The following APP variants were observed in gnomAD, a reference collection of about 807,000 sequenced individuals.
APP encodes the protein amyloid-beta precursor protein.
Under a neutral mutation model 101.4 loss-of-function variants are expected in APP, and 31 were observed. That is an observed-to-expected ratio of 0.31 (90% CI 0.23 to 0.41). The LOEUF (loss-of-function observed/expected upper bound fraction) is 0.41, where lower values mean the gene tolerates loss of function less well. APP is among the 10% of genes least tolerant of loss of function. APP has a pLI of 1.00. For missense variants in APP, 839 were observed against 1,003.7 expected, an observed-to-expected ratio of 0.84 and a Z score of 2.22; for synonymous variants, 366 against 364.4, an observed-to-expected ratio of 1.00 and a Z score of -0.05.
intron 8 of APP, 177 bp downstream of exon 8, chr21:25,997,183 C>T: frequency 1.5e-6 from 1 of 648,840 alleles, no homozygotes; most frequent in East Asian, 2.7e-5. Context: ...CCCAACATCT[C>T]AAGCTGTCTG....
rs558891444 is a variant in APP, at chr21:26,001,140, A to G, written c.866-958T>C. Among the ~76,000 whole-genome samples the G allele has an allele frequency of 2.0e-5, 3 of 152,290 alleles. No individual in the cohort carries two copies. In the East Asian group the frequency reaches 5.8e-4, roughly 29 times the overall value. Reference sequence around the variant, plus strand: ...AATAAAACGCAGTCAATCAACTCCAACTGATTAATACACACCACGCACTGT... The same window carrying G: ...AATAAAACGCAGTCAATCAACTCCAGCTGATTAATACACACCACGCACTGT... On this transcript the variant is annotated intron_variant, in intron 6 of 17. Coordinates refer to ENST00000346798, the MANE Select transcript of APP (RefSeq NM_000484.4).
chr21:26,061,991 C>T (rs2046281981), intron 3 of APP, among the ~76,000 whole-genome samples: 1 of 151,696 alleles, frequency 6.6e-6, no homozygotes, highest in Non-Finnish European at 1.5e-5. Context: ...CGAGGTGGAT[C>T]ACAAGGTCAG....
intron 5 of APP, among the ~76,000 whole-genome samples, chr21:26,028,069 G>A (rs2044660575): frequency 6.6e-6 from 1 of 151,530 alleles, no homozygotes; most frequent in Non-Finnish European, 1.5e-5. Flanking sequence ...GGGGGTGCAC[G>A]CCTGTAATCC....
intron 2 of APP, among the ~76,000 whole-genome samples, chr21:26,102,771 T>C (rs1214290662): frequency 6.6e-6 from 1 of 151,348 alleles, no homozygotes; most frequent in Non-Finnish European, 1.5e-5. Flanking sequence ...GCACCTGTAA[T>C]CTCAGCTACT....
chr21:26,092,302 G>A (rs1210557810), intron 2 of APP, among the ~76,000 whole-genome samples: 1 of 152,034 alleles, frequency 6.6e-6, no homozygotes, highest in Non-Finnish European at 1.5e-5. Context: ...AACACTGTGG[G>A]GTACACACCT....
intron 16 of APP, among the ~76,000 whole-genome samples, chr21:25,894,472 G>A (rs2037900574): frequency 6.6e-6 from 1 of 152,162 alleles, no homozygotes; most frequent in South Asian, 2.1e-4. Flanking sequence ...CAAAACATCA[G>A]CAATAACGGG....
chr21:25,904,046 GTGTATTAATATCTTCAAAGAA>G (rs1274164245), intron 15 of APP, among the ~76,000 whole-genome samples: 19 of 152,200 alleles, frequency 1.2e-4, no homozygotes, highest in African/African-American at 4.1e-4. Context: ...GTTGACCTCT[GTGTATTAATATCTTCAAAGAA>G]AGTTAATTCC....
At chr21:26,098,958 C>T (rs939487301) in intron 2 of APP, among the ~76,000 whole-genome samples, 10 of 152,260 alleles carry the variant, frequency 6.6e-5, no homozygotes, top group African/African-American at 2.4e-4. Context: ...GGGAAAAAAC[C>T]TGCATTCCAG....
At chr21:25,914,031 G>A (rs771481580) in intron 13 of APP, among the ~76,000 whole-genome samples, 1 of 152,020 alleles carries the variant, frequency 6.6e-6, no homozygotes, top group African/African-American at 2.4e-5. Flanking sequence ...CATGCACTTG[G>A]TAGGTACACA....
intron 3 of APP, among the ~76,000 whole-genome samples, chr21:26,082,278 GAT>G (rs2061614214): frequency 6.6e-6 from 1 of 152,120 alleles, no homozygotes; most frequent in African/African-American, 2.4e-5. Flanking sequence ...GGCTTTCTTT[GAT>G]ATGTTAAATG....
chr21:26,102,227 T>C (rs879598065), intron 2 of APP, among the ~76,000 whole-genome samples: 12 of 151,690 alleles, frequency 7.9e-5, no homozygotes, highest in Non-Finnish European at 1.2e-4. Context: ...TAGCTGGGAC[T>C]ACAGGTGCCC....
Position 26,102,919 on chromosome 21 carries a change from GAAT to G in APP, c.225+9057_225+9059del, listed in dbSNP as rs1360875754. Among the ~76,000 whole-genome samples, 23 of 136,010 alleles carry G rather than the reference GAAT, an allele frequency of 1.7e-4. No individual in the cohort carries two copies. The East Asian group carries it at 5.2e-3, about 31-fold the overall frequency. 89.2% of individuals were successfully genotyped at this position (136,010 alleles called of 152,430 possible). A position where few individuals can be genotyped will look rare whatever the true frequency, so the allele number is the denominator to read the frequency against. On this transcript the variant is annotated intron_variant, in intron 2 of 17. Coordinates refer to ENST00000346798, the MANE Select transcript of APP (RefSeq NM_000484.4). ...AAAAAAAAAAAAAAAAAAAAAAGAT[GAAT>G]AATTGACGTAGTTGTATTCGAGTTG...
chr21:26,117,027 G>A (rs989405127), intron 1 of APP, among the ~76,000 whole-genome samples: 2 of 152,132 alleles, frequency 1.3e-5, no homozygotes, highest in East Asian at 3.9e-4. Flanking sequence ...GGGACTACAG[G>A]CCTGTGCCAC....
chr21:26,097,195 ACTG>A (rs1568970385), intron 2 of APP, among the ~76,000 whole-genome samples: 14 of 152,148 alleles, frequency 9.2e-5, no homozygotes, highest in African/African-American at 3.4e-4. Flanking sequence ...CTGTCCTACC[ACTG>A]CATCCTCCAC....
At chr21:25,985,510 C>T (rs1353183778) in intron 8 of APP, among the ~76,000 whole-genome samples, 1 of 152,168 alleles carries the variant, frequency 6.6e-6, no homozygotes, top group Non-Finnish European at 1.5e-5. Context: ...TCTCTTCTCC[C>T]TGGACTGAAA....
Position 26,170,412 on chromosome 21 carries a change from TGCGCTGGACGTCCGCAAGCGGGG to T in APP, c.57+129_57+151del. On this transcript the variant is annotated intron_variant, in intron 1 of 17. Transcript: ENST00000346798. Reference sequence around the variant, plus strand: ...GGCAGGGCTGGGCCGAAAGCGGGGATGCGCTGGACGTCCGCAAGCGGGGGCGGAGAGGAGAGGGGTCCCATTGA... The same window carrying T: ...GGCAGGGCTGGGCCGAAAGCGGGGATGCGGAGAGGAGAGGGGTCCCATTGA... The T allele has an allele frequency of 3.6e-6, 3 of 822,868 alleles. No individual in the cohort carries two copies. In the South Asian group the frequency reaches 5.2e-5, roughly 14 times the overall value. The allele number at this position is 822,868 out of a possible 1,614,324, so 51.0% of individuals were successfully genotyped here.
intron 5 of APP, among the ~76,000 whole-genome samples, chr21:26,040,776 A>G (rs937935017): frequency 2.0e-5 from 3 of 151,746 alleles, no homozygotes; most frequent in African/African-American, 7.3e-5. Flanking sequence ...AAACAAACAA[A>G]CAAACAAACA....
intron 3 of APP, among the ~76,000 whole-genome samples, chr21:26,082,317 C>G (rs1022113263): frequency 6.6e-6 from 1 of 152,124 alleles, no homozygotes; most frequent in East Asian, 1.9e-4. Flanking sequence ...TGGCATAAAG[C>G]ACTGCTGTCA....
intron 13 of APP, among the ~76,000 whole-genome samples, chr21:25,946,952 A>AT (rs1309487676): frequency 2.6e-5 from 4 of 152,252 alleles, no homozygotes; most frequent in South Asian, 4.1e-4. Context: ...AGAGAGCGCA[A>AT]TATTTTTTTA....
Sources: gnomAD v4.1 joint callset for allele counts (sites outside exome capture counted in the v4.1 genomes callset) on GRCh38, gnomAD v4.1.1 for gene constraint, MANE v1.5 for transcripts, NCBI Gene and HGNC (gene_info 2026-07-23, HGNC 2026-07-21) for gene names.